Variants in CMIP observed in about 807,000 individuals in gnomAD.
CMIP encodes the protein C-Maf-inducing protein.
Under a neutral mutation model 97.3 loss-of-function variants are expected in CMIP, and 13 were observed. That is an observed-to-expected ratio of 0.13 (90% CI 0.09 to 0.21). The LOEUF is 0.21. Among genes scored for constraint, CMIP ranks in the 10% least tolerant of loss-of-function variants. The pLI is 1.00. For missense variants in CMIP, 847 were observed against 1,024.9 expected (o/e 0.83, Z 2.37); for synonymous variants, 538 against 436.3 (o/e 1.23, Z -2.91).
intron 1 of CMIP, among the ~76,000 whole-genome samples, chr16:81,452,946 T>C (rs1906325727): frequency 6.9e-6 from 1 of 145,010 alleles, no homozygotes; most frequent in Admixed American, 7.0e-5. Flanking sequence ...AGAATAGCCC[T>C]GGTAGCAGTG....
chr16:81,517,601 G>T (rs2089941611), intron 1 of CMIP, among the ~76,000 whole-genome samples: 1 of 152,182 alleles, frequency 6.6e-6, no homozygotes. Context: ...TATTCAAATT[G>T]TAATGACAGC....
chr16:81,531,416 T>C (rs2090233343), intron 1 of CMIP, among the ~76,000 whole-genome samples: 1 of 152,226 alleles, frequency 6.6e-6, no homozygotes, highest in Non-Finnish European at 1.5e-5. Flanking sequence ...ACATTGCTGA[T>C]ATGCAGGCCA....
At position 81,501,737 on chromosome 16, in the gene CMIP, G is replaced by C. The variant is rs560759285; in HGVS notation, c.300+56196G>C. Reference sequence around the variant, plus strand: ...CGCAATTCTCCTGCCTCAGCCTCCCGAGTAGCTGGAATTACAGGTGCATGC... The same window carrying C: ...CGCAATTCTCCTGCCTCAGCCTCCCCAGTAGCTGGAATTACAGGTGCATGC... On this transcript the variant is annotated intron_variant, in intron 1 of 20. Coordinates refer to ENST00000537098, the MANE Select transcript of CMIP (RefSeq NM_198390.3). 2.0e-4 allele frequency among the ~76,000 whole-genome samples: 30 copies of C among 151,642 alleles called. No individual in the cohort carries two copies. The South Asian group carries it at 5.9e-3, about 30-fold the overall frequency.
At chr16:81,591,606 A>G (rs1244651641) in intron 1 of CMIP, among the ~76,000 whole-genome samples, 1 of 152,122 alleles carries the variant, frequency 6.6e-6, no homozygotes, top group Non-Finnish European at 1.5e-5. Context: ...TGCATTTATA[A>G]CATGTTGAGG....
chr16:81,583,751 C>G (rs537060132), intron 1 of CMIP, among the ~76,000 whole-genome samples: 1 of 152,078 alleles, frequency 6.6e-6, no homozygotes, highest in African/African-American at 2.4e-5. Flanking sequence ...CTGGGAAAGA[C>G]GAGAGCATCT....
chr16:81,588,209 C>G (rs16955594), intron 1 of CMIP, among the ~76,000 whole-genome samples: 12,299 of 152,276 alleles, frequency 0.081, 657 homozygotes, highest in East Asian at 0.3. Flanking sequence ...TCGGAGCTCT[C>G]TGTTGAGGTA....
intron 1 of CMIP, among the ~76,000 whole-genome samples, chr16:81,571,587 C>CAAAAAA (rs397854647): frequency 1.1e-4 from 10 of 87,468 alleles, no homozygotes; most frequent in African/African-American, 2.4e-4. Context: ...TCATCTCTAC[C>CAAAAAA]AAAAAAAAAA....
intron 6 of CMIP, among the ~76,000 whole-genome samples, chr16:81,663,983 C>A (rs916270139): frequency 6.6e-6 from 1 of 152,178 alleles, no homozygotes; most frequent in African/African-American, 2.4e-5. Flanking sequence ...GGAACGCCCC[C>A]ACCCCATCCT....
intron 1 of CMIP, among the ~76,000 whole-genome samples, chr16:81,579,849 G>A (rs946144631): frequency 2.6e-5 from 4 of 152,200 alleles, no homozygotes; most frequent in Admixed American, 6.5e-5. Flanking sequence ...CCAGTTACTC[G>A]GGAGGCTGAG....
chr16:81,560,999 G>A (rs1488553791), intron 1 of CMIP, among the ~76,000 whole-genome samples: 1 of 152,184 alleles, frequency 6.6e-6, no homozygotes, highest in Non-Finnish European at 1.5e-5. Flanking sequence ...CCGTCACCCA[G>A]GCTGGAGTGC....
intron 1 of CMIP, among the ~76,000 whole-genome samples, chr16:81,450,131 G>A (rs537699356): frequency 2.0e-5 from 3 of 152,192 alleles, no homozygotes; most frequent in Non-Finnish European, 4.4e-5. Context: ...GGCTCAGGGG[G>A]ACCTGGTAGA....
intron 1 of CMIP, among the ~76,000 whole-genome samples, chr16:81,521,411 G>A (rs371575567): frequency 3.3e-5 from 5 of 151,790 alleles, no homozygotes; most frequent in African/African-American, 9.7e-5. Flanking sequence ...AGCTGCCCCC[G>A]CTGTCGTTCT....
chr16:81,494,577 C>T (rs1292386341), intron 1 of CMIP, among the ~76,000 whole-genome samples: 1 of 152,156 alleles, frequency 6.6e-6, no homozygotes, highest in African/African-American at 2.4e-5. Flanking sequence ...GGAGGAGCCC[C>T]AGCCGGCTCC....
intron 1 of CMIP, among the ~76,000 whole-genome samples, chr16:81,478,335 G>A (rs1222726379): frequency 1.3e-5 from 2 of 152,212 alleles, no homozygotes; most frequent in Non-Finnish European, 2.9e-5. Flanking sequence ...ACAGGGAGCC[G>A]ACAGTTCTGC....
rs537874790 is a variant in CMIP, at chr16:81,653,768, A to G, written c.639+1404A>G. 5.9e-5 allele frequency among the ~76,000 whole-genome samples: 9 copies of G among 152,312 alleles called. No homozygotes were observed. In the South Asian group the frequency reaches 1.9e-3, roughly 32 times the overall value. On this transcript the variant is annotated intron_variant, in intron 4 of 20. Coordinates refer to ENST00000537098, the MANE Select transcript of CMIP (RefSeq NM_198390.3). ...GCTGAGATTACAGGCGTGCGCCACC[A>G]TGCCCAGCTAATTTTTGTATTTTTA...
At chr16:81,708,674 C>T (rs1333715176) in intron 20 of CMIP, among the ~76,000 whole-genome samples, 1 of 152,212 alleles carries the variant, frequency 6.6e-6, no homozygotes, top group Non-Finnish European at 1.5e-5. Context: ...CCCCACTGTT[C>T]ACTGCCCAGT....
chr16:81,676,800 C>T (rs928027010), intron 9 of CMIP, among the ~76,000 whole-genome samples: 1 of 152,128 alleles, frequency 6.6e-6, no homozygotes, highest in African/African-American at 2.4e-5. Flanking sequence ...TATTCACGTG[C>T]CCCCTCCCAC....
At chr16:81,548,911 C>T (rs2090601717) in intron 1 of CMIP, among the ~76,000 whole-genome samples, 1 of 152,124 alleles carries the variant, frequency 6.6e-6, no homozygotes, top group Non-Finnish European at 1.5e-5. Flanking sequence ...CGTTGGGAAC[C>T]ACTGCTTTAC....
rs745369806 is a variant in CMIP, at chr16:81,696,546, C to A, written c.1531-14C>A. On this transcript the variant is annotated splice_polypyrimidine_tract_variant and intron_variant, in intron 13 of 20. Transcript: ENST00000537098. ...TGCATGCAGCTCACACTTGTGTCTT[C>A]CCTTGTCTGGCAGGTCCACTCATGC... is the stretch of plus-strand genomic sequence containing the variant. 3.7e-6 allele frequency: 6 copies of A among 1,600,682 alleles called. No homozygotes were observed. In the East Asian group the frequency reaches 1.3e-4, roughly 36 times the overall value.
Sources: gnomAD v4.1 joint callset for allele counts (sites outside exome capture counted in the v4.1 genomes callset) on GRCh38, gnomAD v4.1.1 for gene constraint, MANE v1.5 for transcripts, NCBI Gene and HGNC (gene_info 2026-07-23, HGNC 2026-07-21) for gene names.